ASCL5: variants seen among roughly 807,000 people sequenced by gnomAD.
ASCL5 encodes the protein achaete-scute family bHLH transcription factor 5.
For synonymous variants in ASCL5, 124 were observed against 131.5 expected (o/e 0.94, Z 0.39); for missense variants, 262 against 268.9 (o/e 0.97, Z 0.18).
chr1:201,115,366 T>A lies in ASCL5; in HGVS notation c.7A>T (p.Asn3Tyr). 1.6e-6 allele frequency: 2 copies of A among 1,231,430 alleles called. No individual in the cohort carries two copies. The highest frequency in any genetic ancestry group is 8.4e-5 in the Admixed American group (2 of 23,710). 76.3% of individuals were successfully genotyped at this position (1,231,430 alleles called of 1,614,324 possible). MN[N>Y]NFCRALVDRR... ...TCCACCAGAGCCCGGCAGAAGTTATTGTTCATGGTGCCGCGTGGAGCTGGA... is the reference window on the plus strand; with the variant it reads ...TCCACCAGAGCCCGGCAGAAGTTATAGTTCATGGTGCCGCGTGGAGCTGGA... Residue 3 changes from asparagine (N) to tyrosine (Y), a missense_variant, in exon 2 of 2, where the codon AAT (asparagine) becomes TAT (tyrosine). Physicochemically the swap from Asn to Tyr is moderately radical, Grantham distance 143 (BLOSUM62 -2). Coordinates refer to ENST00000449188, the MANE Select transcript of ASCL5 (RefSeq NM_001270601.2).
At chr1:201,119,046 C>T (rs1040781090) in intron 1 of ASCL5, among the ~76,000 whole-genome samples, 3 of 152,224 alleles carry the variant, frequency 2.0e-5, no homozygotes, top group Non-Finnish European at 4.4e-5. Flanking sequence ...ACAAAAGGAT[C>T]TTAGTAAATT....
rs1663288589 is a variant in ASCL5 at position 201,114,534 on chromosome 1, G to T, written c.*218C>A. The T allele has an allele frequency of 1.0e-5, 4 of 383,802 alleles. No homozygotes were observed. The highest frequency in any genetic ancestry group is 1.8e-5 in the Non-Finnish European group (4 of 221,680). 23.8% of individuals were successfully genotyped at this position (383,802 alleles called of 1,614,324 possible). A position where few individuals can be genotyped will look rare whatever the true frequency, so the allele number is the denominator to read the frequency against. On this transcript the variant is annotated 3_prime_UTR_variant, in exon 2 of 2. Coordinates refer to ENST00000449188, the MANE Select transcript of ASCL5 (RefSeq NM_001270601.2). ...CCCTGCCCCTCGCTTCACCCACGGA[G>T]CTCCTAGGTCTCTATCGTGCCCATC... is the stretch of plus-strand genomic sequence containing the variant.
intron 1 of ASCL5, among the ~76,000 whole-genome samples, chr1:201,121,421 C>G (rs748101246): frequency 6.6e-6 from 1 of 152,062 alleles, no homozygotes; most frequent in African/African-American, 2.4e-5. Flanking sequence ...AGCTTGGGAA[C>G]CTTGTGCTTC....
intron 1 of ASCL5, among the ~76,000 whole-genome samples, chr1:201,124,891 A>T (rs1459653134): frequency 4.6e-5 from 7 of 152,132 alleles, no homozygotes; most frequent in African/African-American, 1.7e-4. Context: ...CTGGTTCTCC[A>T]CTGCCCCCAC....
intron 1 of ASCL5, among the ~76,000 whole-genome samples, chr1:201,118,081 T>TACTATTTACCTTTTTTCATAC (rs1663379873): frequency 6.6e-6 from 1 of 152,242 alleles, no homozygotes; most frequent in African/African-American, 2.4e-5. Context: ...TTTCCTCATA[T>TACTATTTACCTTTTTTCATAC]ACTATTTACC....
chr1:201,123,855 C>G (rs535838764), intron 1 of ASCL5, among the ~76,000 whole-genome samples: 1 of 152,326 alleles, frequency 6.6e-6, no homozygotes, highest in African/African-American at 2.4e-5. Context: ...CTGCTCCGTA[C>G]TTTGCCTTTC....
chr1:201,122,188 G>A (rs1423651840), intron 1 of ASCL5, among the ~76,000 whole-genome samples: 1 of 152,120 alleles, frequency 6.6e-6, no homozygotes, highest in East Asian at 1.9e-4. Flanking sequence ...CTATCCATGG[G>A]CCCCAGAGCC....
rs1663322723 is a variant in ASCL5, at chr1:201,115,570, G to A, written c.-198C>T. ...AAGAGCCATCGCCCTAGACAAGTGT[G>A]GCCCCTCTCAGGAGGTCGGTGCACG... On this transcript the variant is annotated 5_prime_UTR_variant, in exon 2 of 2. Coordinates refer to ENST00000449188, the MANE Select transcript of ASCL5 (RefSeq NM_001270601.2). 1 of 400,200 alleles carries A rather than the reference G, an allele frequency of 2.5e-6. No homozygotes were observed. Among genetic ancestry groups the A allele is most frequent in the East Asian group, 3.7e-5 (1 of 27,090 alleles). 24.8% of individuals were successfully genotyped at this position (400,200 alleles called of 1,614,324 possible).
intron 1 of ASCL5, among the ~76,000 whole-genome samples, chr1:201,125,919 T>C (rs1558096444): frequency 6.6e-6 from 1 of 151,888 alleles, no homozygotes; most frequent in Non-Finnish European, 1.5e-5. Flanking sequence ...GATGCAGAGG[T>C]CTGAGCCTGA....
intron 1 of ASCL5, among the ~76,000 whole-genome samples, chr1:201,124,095 A>G (rs1045785612): frequency 2.2e-4 from 33 of 152,362 alleles, no homozygotes; most frequent in African/African-American, 7.2e-4. Context: ...CTGAATGCTT[A>G]TGATTAATCA....
In ASCL5 at chr1:201,114,988, T is replaced by A. The variant is rs1412171204; in HGVS notation, c.385A>T (p.Ile129Phe). ...TCTTGCAGGTACTTTATGTAGCGGA[T>A]GGCGGCGCGCAGCGTCTCCACCTTG... Reference protein sequence around the residue: ...LSKVETLRAAIRYIKYLQELL... With the variant: ...LSKVETLRAAFRYIKYLQELL... The change falls in exon 2 of 2, where the codon ATC becomes TTC. Residue 129 changes from isoleucine (I) to phenylalanine (F), a missense_variant. Physicochemically the swap from Ile to Phe is conservative, Grantham distance 21. Transcript: ENST00000449188. 1 of 1,231,500 alleles carries A rather than the reference T, an allele frequency of 8.1e-7. No individual in the cohort carries two copies. Among genetic ancestry groups the A allele is most frequent in the Non-Finnish European group, 1.0e-6 (1 of 987,980 alleles). 76.3% of individuals were successfully genotyped at this position (1,231,500 alleles called of 1,614,324 possible). A position where few individuals can be genotyped will look rare whatever the true frequency, so the allele number is the denominator to read the frequency against.
At position 201,114,582 on chromosome 1, in the gene ASCL5, G is replaced by T. The variant is rs1390344119; in HGVS notation, c.*170C>A. 2 of 532,122 alleles carry T rather than the reference G, an allele frequency of 3.8e-6. No homozygotes were observed. The highest frequency in any genetic ancestry group is 5.7e-6 in the Non-Finnish European group (2 of 352,646). 33.0% of individuals were successfully genotyped at this position (532,122 alleles called of 1,614,324 possible). A position where few individuals can be genotyped will look rare whatever the true frequency, so the allele number is the denominator to read the frequency against. ...ATCGTACCCGCTGCCCTGCACTTCCGCCCCAAGCTGGTGGAGGAGGGAGGG... is the reference window on the plus strand; with the variant it reads ...ATCGTACCCGCTGCCCTGCACTTCCTCCCCAAGCTGGTGGAGGAGGGAGGG... On this transcript the variant is annotated 3_prime_UTR_variant, in exon 2 of 2. Transcript: ENST00000449188.
rs531240359 is a variant in ASCL5, at chr1:201,124,314, G to T, written c.-506+2770C>A. 3.3e-5 allele frequency among the ~76,000 whole-genome samples: 5 copies of T among 152,272 alleles called. No homozygotes were observed. In the South Asian group the frequency reaches 1.0e-3, roughly 32 times the overall value. On this transcript the variant is annotated intron_variant, in intron 1 of 1. Coordinates refer to ENST00000449188, the MANE Select transcript of ASCL5 (RefSeq NM_001270601.2). ...GCTAGGGAGGCTGGGGTTGAGGGGT[G>T]GGTACCATGGAAGCTGCCCCCAAGG... is the stretch of plus-strand genomic sequence containing the variant.
chr1:201,122,296 A>C (rs1482780843), intron 1 of ASCL5, among the ~76,000 whole-genome samples: 2 of 152,204 alleles, frequency 1.3e-5, no homozygotes, highest in African/African-American at 4.8e-5. Flanking sequence ...CAGTTTCACA[A>C]AGAGAAAAGC....
rs1663306807 is a variant in ASCL5 at position 201,114,970 on chromosome 1, G to A, written c.403C>T (p.Leu135=). 8.1e-7 allele frequency: 1 copy of A among 1,231,616 alleles called. No individual in the cohort carries two copies. The highest frequency in any genetic ancestry group is 4.1e-5 in the South Asian group (1 of 24,332). 76.3% of individuals were successfully genotyped at this position (1,231,616 alleles called of 1,614,324 possible). A position where few individuals can be genotyped will look rare whatever the true frequency, so the allele number is the denominator to read the frequency against. The change falls in exon 2 of 2, where the codon CTG becomes TTG. Residue 135 remains leucine, a synonymous_variant. Transcript: ENST00000449188. ...LRAAIRYIKY[L]QELLSSAPDG... ...GGGGCCGAGCTCAGCAGCTCTTGCA[G>A]GTACTTTATGTAGCGGATGGCGGCG...
chr1:201,121,862 C>T (rs1663469692), intron 1 of ASCL5, among the ~76,000 whole-genome samples: 1 of 151,944 alleles, frequency 6.6e-6, no homozygotes, highest in Admixed American at 6.6e-5. Context: ...AACAAAAACC[C>T]AAATAGGAAA....
chr1:201,115,172 C>A lies in ASCL5; in HGVS notation c.201G>T (p.Val67=). The A allele has an allele frequency of 8.1e-7, 1 of 1,231,652 alleles. No individual in the cohort carries two copies. Among genetic ancestry groups the A allele is most frequent in the Non-Finnish European group, 1.0e-6 (1 of 987,958 alleles). 76.3% of individuals were successfully genotyped at this position (1,231,652 alleles called of 1,614,324 possible). ...YDAYAGVFPY[V]PFPGAFGVYE... ...AGACCCCGAAGGCGCCGGGGAAGGG[C>A]ACGTAGGGGAACACCCCCGCATAGG... Residue 67 remains valine, a synonymous_variant, in exon 2 of 2, where the codon GTG becomes GTT. Coordinates refer to ENST00000449188, the MANE Select transcript of ASCL5 (RefSeq NM_001270601.2).
At chr1:201,120,888 C>T (rs1264848331) in intron 1 of ASCL5, among the ~76,000 whole-genome samples, 2 of 152,226 alleles carry the variant, frequency 1.3e-5, no homozygotes, top group African/African-American at 4.8e-5. Context: ...TTTTGGGCAG[C>T]AACAGGGAGA....
chr1:201,116,798 G>C (rs1207640070), intron 1 of ASCL5, among the ~76,000 whole-genome samples: 2 of 152,126 alleles, frequency 1.3e-5, no homozygotes, highest in Non-Finnish European at 2.9e-5. Flanking sequence ...TGTCTACAGT[G>C]TTCCATAAGT....
Sources: allele counts gnomAD v4.1 joint callset (sites outside exome capture counted in the v4.1 genomes callset), GRCh38; gene constraint gnomAD v4.1.1; transcripts MANE v1.5; gene names NCBI Gene and HGNC (gene_info 2026-07-23, HGNC 2026-07-21).